MTMR1: variants seen among roughly 807,000 people sequenced by gnomAD.
MTMR1 encodes the protein myotubularin related protein 1, also known as phosphatidylinositol-3-phosphate phosphatase MTMR1.
A neutral mutation model predicts 51.6 loss-of-function variants in MTMR1; 17 were observed. That is an observed-to-expected ratio of 0.33 (90% CI 0.23 to 0.49). The LOEUF (loss-of-function observed/expected upper bound fraction) is 0.49. MTMR1 is among the 20% of genes least tolerant of loss of function. The pLI is 0.99. For missense variants in MTMR1, 386 were observed against 526.9 expected, an observed-to-expected ratio of 0.73 and a Z score of 2.62; for synonymous variants, 201 against 205.6, an observed-to-expected ratio of 0.98 and a Z score of 0.19.
intron 3 of MTMR1, among the ~76,000 whole-genome samples, chrX:150,715,634 C>T (rs2041484225): frequency 8.9e-6 from 1 of 112,036 alleles, no homozygotes; most frequent in Non-Finnish European, 1.9e-5. Flanking sequence ...CTATACTCAC[C>T]AAAGCAAACA....
At chrX:150,736,876 C>A in intron 11 of MTMR1, 96 bp downstream of exon 11, 2 of 845,341 alleles carry the variant, frequency 2.4e-6, no homozygotes, top group South Asian at 3.0e-5. Context: ...TGGCTGTGTG[C>A]ATGAACTTTC....
chrX:150,747,173 G>A (rs2042596251), intron 13 of MTMR1, among the ~76,000 whole-genome samples: 1 of 111,035 alleles, frequency 9.0e-6, no homozygotes, highest in Admixed American at 9.6e-5. Context: ...TTGGGGCCAG[G>A]TGTGGTGGCT....
intron 13 of MTMR1, among the ~76,000 whole-genome samples, chrX:150,744,702 C>A (rs2042527718): frequency 8.9e-6 from 1 of 112,171 alleles, no homozygotes; most frequent in South Asian, 3.7e-4. Flanking sequence ...AACCAAGGCC[C>A]TACTCCTCTA....
chrX:150,762,498 T>C, intron 15 of MTMR1, 67 bp from the exon 16 acceptor site: 1 of 1,184,092 alleles, frequency 8.4e-7, no homozygotes, highest in Non-Finnish European at 1.1e-6. Flanking sequence ...GCCAACAGCA[T>C]CTCCATGTGG....
intron 10 of MTMR1, among the ~76,000 whole-genome samples, chrX:150,733,622 G>T (rs1046461391): frequency 1.8e-5 from 2 of 111,057 alleles, no homozygotes; most frequent in African/African-American, 6.6e-5. Flanking sequence ...TTTCCTCCAG[G>T]TTCTGCCACT....
chrX:150,709,834 C>G (rs1401648882), intron 2 of MTMR1, among the ~76,000 whole-genome samples: 1 of 112,205 alleles, frequency 8.9e-6, no homozygotes, highest in Non-Finnish European at 1.9e-5. Context: ...ACACCTCCTA[C>G]CAAGCCCCAC....
chrX:150,727,346 C>A, intron 5 of MTMR1, 37 bp downstream of exon 5: 1 of 1,078,389 alleles, frequency 9.3e-7, no homozygotes, highest in African/African-American at 1.8e-5. Flanking sequence ...TTAAAAGAAA[C>A]ACTTTTAAAA....
At chrX:150,734,186 G>A (rs937698772) in intron 10 of MTMR1, among the ~76,000 whole-genome samples, 6 of 112,211 alleles carry the variant, frequency 5.3e-5, no homozygotes, top group Admixed American at 1.9e-4. Flanking sequence ...GGGTTTCTGC[G>A]TCTCCTCCTT....
At chrX:150,757,014 C>T (rs1456598323) in intron 15 of MTMR1, among the ~76,000 whole-genome samples, 5 of 112,044 alleles carry the variant, frequency 4.5e-5, no homozygotes, top group Non-Finnish European at 9.4e-5. Context: ...GAGCGTGTAC[C>T]CAGGGCATTG....
In MTMR1 at chrX:150,760,983, A is replaced by G. The variant is rs73622498; in HGVS notation, c.1858-1582A>G. Reference sequence around the variant, plus strand: ...AAGAAATAGGTGAGAAAAGATGCAAACAGCTGGTGAAGAGATGATAGTGGT... The same window carrying G: ...AAGAAATAGGTGAGAAAAGATGCAAGCAGCTGGTGAAGAGATGATAGTGGT... On this transcript the variant is annotated intron_variant, in intron 15 of 15. Coordinates refer to ENST00000445323, the MANE Select transcript of MTMR1 (RefSeq NM_001306144.3). 4.4e-3 allele frequency among the ~76,000 whole-genome samples: 485 copies of G among 110,020 alleles called. 4 individuals carry two copies. The highest frequency in any genetic ancestry group is 0.015 in the African/African-American group (441 of 30,282).
Position 150,718,640 on chromosome X carries a change from A to T in MTMR1, c.292A>T (p.Asn98Tyr). 2 of 1,138,632 alleles carry T rather than the reference A, an allele frequency of 1.8e-6. No homozygotes were observed. Among genetic ancestry groups the T allele is most frequent in the Non-Finnish European group, 2.3e-6 (2 of 858,390 alleles). The allele number at this position is 1,138,632 out of a possible 1,213,427, so 93.8% of individuals were successfully genotyped here. ...RPDLRALRDG[N>Y]KLAQMEEAPL... ...TTTTTGCCAGGCTCTAAGGGATGGA[A>T]ATAAGCTGGCACAGATGGAAGAGGC... The change falls in exon 4 of 16, where the codon AAT becomes TAT. Residue 98 changes from asparagine to tyrosine, a missense_variant. Transcript: ENST00000445323.
At chrX:150,706,691 C>T (rs1326039599) in intron 2 of MTMR1, among the ~76,000 whole-genome samples, 1 of 112,061 alleles carries the variant, frequency 8.9e-6, no homozygotes, top group African/African-American at 3.2e-5. Context: ...CACTTCTCCC[C>T]TAATTGATAT....
intron 3 of MTMR1, 41 bp from the exon 4 acceptor site, chrX:150,718,582 TCC>T (rs781988332): frequency 9.3e-5 from 40 of 429,211 alleles, no homozygotes; most frequent in Admixed American, 3.3e-4. Flanking sequence ...CCGTTTGGTG[TCC>T]TTTTTTTTTT....
intron 8 of MTMR1, 26 bp from the exon 9 acceptor site, chrX:150,731,444 C>T (rs781834810): frequency 8.7e-5 from 100 of 1,146,334 alleles, no homozygotes; most frequent in Non-Finnish European, 1.1e-4. Context: ...ATTTCACCCT[C>T]TTCTTCTTTC....
At chrX:150,758,836 C>G (rs1194517977) in intron 15 of MTMR1, among the ~76,000 whole-genome samples, 2 of 111,113 alleles carry the variant, frequency 1.8e-5, no homozygotes, top group Non-Finnish European at 3.8e-5. Context: ...TCCCTTTAGA[C>G]TTTGTGCTCT....
rs184857041 is a variant in MTMR1, at chrX:150,734,474, A to C, written c.1080+1744A>C. Among the ~76,000 whole-genome samples the C allele has an allele frequency of 1.7e-3, 190 of 112,448 alleles. 2 individuals are homozygous for C. Among genetic ancestry groups the C allele is most frequent in the Admixed American group, 4.3e-3 (46 of 10,662 alleles). On this transcript the variant is annotated intron_variant, in intron 10 of 15. Transcript: ENST00000445323. The stretch of plus-strand genomic sequence containing the variant: ...AGGCCCCCTTGCTCCCCACATCTGG[A>C]TCATTAGCTGTGTCAGTCTTTCTAC...
chrX:150,718,223 A>G (rs1412064854), intron 3 of MTMR1, among the ~76,000 whole-genome samples: 1 of 112,355 alleles, frequency 8.9e-6, no homozygotes, highest in Non-Finnish European at 1.9e-5. Context: ...CCAGTTAGCT[A>G]AGCACCTATA....
At chrX:150,724,973 G>T (rs1456926667) in intron 4 of MTMR1, among the ~76,000 whole-genome samples, 8 of 111,977 alleles carry the variant, frequency 7.1e-5, no homozygotes, top group African/African-American at 2.6e-4. Flanking sequence ...TGCTGTTTTG[G>T]TTACTGTGGG....
At chrX:150,752,624 GTTTTTTTT>G (rs782406235) in intron 14 of MTMR1, among the ~76,000 whole-genome samples, 3 of 57,470 alleles carry the variant, frequency 5.2e-5, no homozygotes, top group Non-Finnish European at 9.1e-5. Context: ...GCTTTATCTT[GTTTTTTTT>G]TTTTTTTTTT....
Sources: gnomAD v4.1 joint callset for allele counts (sites outside exome capture counted in the v4.1 genomes callset) on GRCh38, gnomAD v4.1.1 for gene constraint, MANE v1.5 for transcripts, NCBI Gene and HGNC (gene_info 2026-07-23, HGNC 2026-07-21) for gene names.